PPP3CC: variants seen among roughly 807,000 people sequenced by gnomAD.
PPP3CC encodes the protein protein phosphatase 3 catalytic subunit gamma.
A neutral mutation model predicts 60.3 loss-of-function variants in PPP3CC; 35 were observed. That is an observed-to-expected ratio of 0.58 (90% confidence interval 0.44 to 0.77). PPP3CC has a LOEUF of 0.77. PPP3CC is among the 30% of genes least tolerant of loss of function. The pLI, the probability that PPP3CC is intolerant of heterozygous loss-of-function variation, is 0.00. For missense variants in PPP3CC, 570 were observed against 628.9 expected, an observed-to-expected ratio of 0.91 and a Z score of 1.00; for synonymous variants, 206 against 224.3, an observed-to-expected ratio of 0.92 and a Z score of 0.73.
intron 13 of PPP3CC, 99 bp downstream of exon 13, chr8:22,539,597 G>A: frequency 8.0e-7 from 1 of 1,245,734 alleles, no homozygotes; most frequent in Non-Finnish European, 1.1e-6. Context: ...TGCATCACCA[G>A]AACTATAACA....
chr8:22,502,175 A>T (rs1233182970), intron 4 of PPP3CC, among the ~76,000 whole-genome samples: 2 of 152,246 alleles, frequency 1.3e-5, no homozygotes, highest in Non-Finnish European at 1.5e-5. Flanking sequence ...TGGATTATAC[A>T]TACAAAGATG....
At chr8:22,526,048 A>G (rs1232915788) in intron 8 of PPP3CC, among the ~76,000 whole-genome samples, 1 of 143,474 alleles carries the variant, frequency 7.0e-6, no homozygotes, top group Non-Finnish European at 1.5e-5. Context: ...TTTTTATTTT[A>G]GTAGAGACGG....
rs1839619819 is a variant in PPP3CC, at chr8:22,528,510, A to AAAT, written c.1074_1075insAAT (p.Thr358_Glu359insAsn). The AAAT allele has an allele frequency of 6.5e-7, 1 of 1,537,990 alleles. No individual in the cohort carries two copies. The highest frequency in any genetic ancestry group is 1.4e-5 in the African/African-American group (1 of 73,678). ...GGATTATTTTGTCTTACTTAGTCAC[A>AAAT]GAGATGCTGGTAAATGTGCTCAACA... is the stretch of plus-strand genomic sequence containing the variant. On this transcript the variant is annotated inframe_insertion, in exon 10 of 14. Transcript: ENST00000240139.
intron 3 of PPP3CC, among the ~76,000 whole-genome samples, chr8:22,491,510 T>C (rs1252203859): frequency 6.6e-6 from 1 of 152,178 alleles, no homozygotes; most frequent in Non-Finnish European, 1.5e-5. Context: ...CTTTCAGAGA[T>C]AGGTTAAACA....
chr8:22,509,956 C>T (rs1012240938), intron 4 of PPP3CC, among the ~76,000 whole-genome samples: 2 of 152,160 alleles, frequency 1.3e-5, no homozygotes, highest in African/African-American at 4.8e-5. Flanking sequence ...GAGGCCAAGG[C>T]AGGCGGATTG....
chr8:22,530,168 T>C (rs989830981), intron 10 of PPP3CC, among the ~76,000 whole-genome samples: 66 of 152,250 alleles, frequency 4.3e-4, no homozygotes, highest in African/African-American at 1.6e-3. Context: ...GCGAGTGTTT[T>C]TATTTATGGT....
chr8:22,509,610 T>C lies in PPP3CC; in HGVS notation c.485-1476T>C, dbSNP rs116559582. 9.7e-3 allele frequency among the ~76,000 whole-genome samples: 1,472 copies of C among 152,342 alleles called. 22 individuals carry two copies. Among genetic ancestry groups the C allele is most frequent in the African/African-American group, 0.032 (1,310 of 41,582 alleles). On this transcript the variant is annotated intron_variant, in intron 4 of 13. Transcript: ENST00000240139. ...ATGACTTTTCCTTTCCAGAGATTTGTAGAGACTCCTCCTTCCACCCACTGA... is the reference window on the plus strand; with the variant it reads ...ATGACTTTTCCTTTCCAGAGATTTGCAGAGACTCCTCCTTCCACCCACTGA...
chr8:22,449,142 A>G (rs1468645651), intron 1 of PPP3CC, among the ~76,000 whole-genome samples: 2 of 152,126 alleles, frequency 1.3e-5, no homozygotes, highest in Admixed American at 6.6e-5. Context: ...TTAGGGAGAA[A>G]AAAAGTACAA....
intron 1 of PPP3CC, among the ~76,000 whole-genome samples, chr8:22,453,394 G>A (rs940021635): frequency 6.6e-6 from 1 of 152,156 alleles, no homozygotes; most frequent in Admixed American, 6.5e-5. Context: ...ATCCTTAGGC[G>A]ATTTCATCAT....
In PPP3CC at chr8:22,497,899, C is replaced by T. The variant is rs1341923938; in HGVS notation, c.373-102C>T. Reference sequence around the variant, plus strand: ...GTTTCATTTTTCAATTTGGGAGTAACAATGAGATATGCCATTACAGCAAGT... The same window carrying T: ...GTTTCATTTTTCAATTTGGGAGTAATAATGAGATATGCCATTACAGCAAGT... On this transcript the variant is annotated intron_variant, in intron 3 of 13. Transcript: ENST00000240139. 6.0e-5 allele frequency: 42 copies of T among 700,690 alleles called. No homozygotes were observed. The South Asian group carries it at 9.2e-4, about 15-fold the overall frequency. 43.4% of individuals were successfully genotyped at this position (700,690 alleles called of 1,614,324 possible). A position where few individuals can be genotyped will look rare whatever the true frequency, so the allele number is the denominator to read the frequency against.
At chr8:22,530,893 G>T (rs1177022089) in intron 10 of PPP3CC, among the ~76,000 whole-genome samples, 1 of 94,200 alleles carries the variant, frequency 1.1e-5, no homozygotes, top group Non-Finnish European at 2.4e-5. Context: ...AGAAGCTATA[G>T]AATCCATTAA....
chr8:22,497,980 A>G (rs981937039), intron 3 of PPP3CC, 21 bp from the exon 4 acceptor site: 6 of 1,526,964 alleles, frequency 3.9e-6, no homozygotes, highest in Non-Finnish European at 5.4e-6. Flanking sequence ...AGAAAATTTT[A>G]TGCTTGAATT....
intron 4 of PPP3CC, among the ~76,000 whole-genome samples, chr8:22,503,516 C>A (rs533170738): frequency 2.0e-4 from 31 of 151,958 alleles, no homozygotes; most frequent in African/African-American, 7.5e-4. Flanking sequence ...ATTCTTTTGT[C>A]TTATCAGATT....
At chr8:22,455,258 G>A (rs955030440) in intron 1 of PPP3CC, among the ~76,000 whole-genome samples, 3 of 152,148 alleles carry the variant, frequency 2.0e-5, no homozygotes, top group African/African-American at 4.8e-5. Context: ...CTCATGCGGT[G>A]TAGCATATAA....
intron 1 of PPP3CC, among the ~76,000 whole-genome samples, chr8:22,441,922 C>T (rs1226091965): frequency 1.3e-5 from 2 of 152,184 alleles, no homozygotes; most frequent in Non-Finnish European, 2.9e-5. Context: ...TTGCAAGTCA[C>T]TGCTATTACT....
intron 1 of PPP3CC, among the ~76,000 whole-genome samples, chr8:22,445,345 A>G (rs1449695592): frequency 3.9e-5 from 6 of 152,128 alleles, no homozygotes; most frequent in Non-Finnish European, 7.4e-5. Context: ...CCTTTTTTAT[A>G]TCCATAATGG....
intron 1 of PPP3CC, among the ~76,000 whole-genome samples, chr8:22,460,104 G>A (rs930977795): frequency 2.0e-5 from 3 of 152,078 alleles, no homozygotes; most frequent in Non-Finnish European, 4.4e-5. Flanking sequence ...CATCTTAACA[G>A]TAGTTGTCTT....
chr8:22,488,448 TTGTCACAA>T (rs904219568), intron 3 of PPP3CC, among the ~76,000 whole-genome samples: 4 of 152,222 alleles, frequency 2.6e-5, no homozygotes, highest in Admixed American at 6.5e-5. Flanking sequence ...TTTGAATTGT[TTGTCACAA>T]TGATTGAAAG....
At chr8:22,472,426 G>A (rs1312203600) in intron 1 of PPP3CC, among the ~76,000 whole-genome samples, 1 of 130,802 alleles carries the variant, frequency 7.6e-6, no homozygotes, top group Non-Finnish European at 1.6e-5. Context: ...GGTCTACACA[G>A]GGTCAGGATC....
Sources: gnomAD v4.1 joint callset for allele counts (sites outside exome capture counted in the v4.1 genomes callset) on GRCh38, gnomAD v4.1.1 for gene constraint, MANE v1.5 for transcripts, NCBI Gene and HGNC (gene_info 2026-07-23, HGNC 2026-07-21) for gene names.